FHIT: variants seen among roughly 807,000 people sequenced by gnomAD.
FHIT encodes the protein fragile histidine triad diadenosine triphosphatase, also known as bis(5'-adenosyl)-triphosphatase.
Under a neutral mutation model 17.9 loss-of-function variants are expected in FHIT, and 19 were observed. The observed-to-expected ratio is 1.06, with a 90% CI of 0.74 to 1.56. The LOEUF is 1.56. FHIT is among the 40% of genes most tolerant of loss of function. FHIT has a pLI of 0.00. For synonymous variants in FHIT, 81 were observed against 69.7 expected (o/e 1.16, Z -0.81); for missense variants, 248 against 189.2 (o/e 1.31, Z -1.82).
intron 8 of FHIT, among the ~76,000 whole-genome samples, chr3:59,752,608 C>T (rs1007718040): frequency 2.6e-5 from 4 of 152,038 alleles, no homozygotes; most frequent in Non-Finnish European, 5.9e-5. Context: ...ATTAGAATCC[C>T]CAGTGTCAGA....
At chr3:60,721,070 A>C (rs1242335029) in intron 4 of FHIT, among the ~76,000 whole-genome samples, 1 of 152,098 alleles carries the variant, frequency 6.6e-6, no homozygotes, top group African/African-American at 2.4e-5. Flanking sequence ...TAAATCTGTC[A>C]TAATTGTTTT....
intron 5 of FHIT, among the ~76,000 whole-genome samples, chr3:60,199,266 G>A (rs538975367): frequency 6.6e-6 from 1 of 152,264 alleles, no homozygotes; most frequent in South Asian, 2.1e-4. Context: ...AGAACATATA[G>A]ACAGCTGATG....
At chr3:59,982,599 C>T (rs922654474) in intron 7 of FHIT, among the ~76,000 whole-genome samples, 1 of 152,178 alleles carries the variant, frequency 6.6e-6, no homozygotes, top group Non-Finnish European at 1.5e-5. Flanking sequence ...CCTCTTTAAT[C>T]TGCTTTAAGA....
chr3:60,135,895 T>G (rs1312254789), intron 5 of FHIT, among the ~76,000 whole-genome samples: 1 of 152,172 alleles, frequency 6.6e-6, no homozygotes, highest in Non-Finnish European at 1.5e-5. Flanking sequence ...GCTCAAAATC[T>G]AAATCCACCT....
chr3:60,321,420 G>C (rs1709427504), intron 5 of FHIT, among the ~76,000 whole-genome samples: 1 of 152,162 alleles, frequency 6.6e-6, no homozygotes, highest in South Asian at 2.1e-4. Flanking sequence ...AGTCTGCAGA[G>C]AGCCACAACT....
chr3:60,767,745 C>T (rs1429923834), intron 4 of FHIT, among the ~76,000 whole-genome samples: 2 of 152,178 alleles, frequency 1.3e-5, no homozygotes, highest in African/African-American at 4.8e-5. Context: ...GAAAGGCTTT[C>T]CCTCTTGTTA....
intron 4 of FHIT, among the ~76,000 whole-genome samples, chr3:60,779,085 C>G (rs1414857216): frequency 2.6e-5 from 4 of 152,112 alleles, no homozygotes; most frequent in African/African-American, 4.8e-5. Context: ...CCATCAGTGC[C>G]AATCCAAAAA....
At chr3:60,278,611 C>T (rs1707284492) in intron 5 of FHIT, among the ~76,000 whole-genome samples, 1 of 151,866 alleles carries the variant, frequency 6.6e-6, no homozygotes, top group Non-Finnish European at 1.5e-5. Flanking sequence ...AGCCCAAAGA[C>T]AACAGGGAAG....
intron 2 of FHIT, among the ~76,000 whole-genome samples, chr3:61,162,119 A>C (rs2037714532): frequency 6.6e-6 from 1 of 152,218 alleles, no homozygotes; most frequent in South Asian, 2.1e-4. Flanking sequence ...CATCCTGTTA[A>C]TTGACCAAAT....
chr3:60,687,781 A>T (rs761652992), intron 4 of FHIT, among the ~76,000 whole-genome samples: 18 of 152,146 alleles, frequency 1.2e-4, no homozygotes, highest in African/African-American at 4.3e-4. Flanking sequence ...TTCTACTTCC[A>T]TCAATTTTTC....
chr3:59,988,075 G>C (rs966657236), intron 7 of FHIT, among the ~76,000 whole-genome samples: 3 of 152,018 alleles, frequency 2.0e-5, no homozygotes, highest in African/African-American at 4.8e-5. Flanking sequence ...TATAGGGAAT[G>C]CGTATCAGCT....
intron 8 of FHIT, among the ~76,000 whole-genome samples, chr3:59,914,167 G>A (rs1465734709): frequency 6.6e-6 from 1 of 151,872 alleles, no homozygotes; most frequent in South Asian, 2.1e-4. Flanking sequence ...ATTTCAACAT[G>A]TAACTATTAT....
chr3:60,828,509 G>C (rs1553741617), intron 3 of FHIT, among the ~76,000 whole-genome samples: 1 of 152,140 alleles, frequency 6.6e-6, no homozygotes, highest in East Asian at 1.9e-4. Context: ...CCTCCTGGAA[G>C]CTATTAGAGG....
At chr3:60,197,186 G>A (rs1053568013) in intron 5 of FHIT, among the ~76,000 whole-genome samples, 4 of 152,078 alleles carry the variant, frequency 2.6e-5, no homozygotes, top group African/African-American at 7.2e-5. Context: ...GCCACAGCTT[G>A]GAACTATTCT....
chr3:60,248,868 C>G (rs73832558), intron 5 of FHIT, among the ~76,000 whole-genome samples: 4,133 of 152,134 alleles, frequency 0.027, 169 homozygotes, highest in African/African-American at 0.09. Flanking sequence ...CCTCTTTATA[C>G]CAGAAGGAAA....
At chr3:60,384,585 C>T (rs9847570) in intron 5 of FHIT, among the ~76,000 whole-genome samples, 44,340 of 151,946 alleles carry the variant, frequency 0.29, 6,610 homozygotes, top group East Asian at 0.47. Flanking sequence ...TTTATTACCA[C>T]GAAACTGGTC....
chr3:60,092,234 T>C (rs181469847), intron 5 of FHIT, among the ~76,000 whole-genome samples: 4 of 152,340 alleles, frequency 2.6e-5, no homozygotes, highest in East Asian at 1.9e-4. Context: ...TGTTTCATAA[T>C]TGTAACTGGT....
intron 5 of FHIT, among the ~76,000 whole-genome samples, chr3:60,060,613 C>A (rs976577934): frequency 2.6e-5 from 4 of 152,254 alleles, no homozygotes; most frequent in African/African-American, 9.6e-5. Context: ...AACTGTGGCA[C>A]ATTTGGGAAG....
At chr3:60,414,816 T>A (rs1702185285) in intron 5 of FHIT, among the ~76,000 whole-genome samples, 1 of 152,170 alleles carries the variant, frequency 6.6e-6, no homozygotes, top group Non-Finnish European at 1.5e-5. Flanking sequence ...TGATCTAAAT[T>A]ATAAGTAAAG....
Sources: gnomAD v4.1 joint callset for allele counts (sites outside exome capture counted in the v4.1 genomes callset) on GRCh38, gnomAD v4.1.1 for gene constraint, MANE v1.5 for transcripts, NCBI Gene and HGNC (gene_info 2026-07-23, HGNC 2026-07-21) for gene names.